The following DDX31 variants were observed in gnomAD, a reference collection of about 807,000 sequenced individuals.
DDX31 encodes the protein DEAD-box helicase 31, also known as ATP-dependent DNA helicase DDX31.
Under a neutral mutation model 91.3 loss-of-function variants are expected in DDX31, and 70 were observed. The observed-to-expected ratio is 0.77, with a 90% CI of 0.63 to 0.94. The LOEUF (loss-of-function observed/expected upper bound fraction) is 0.94. DDX31 is among the 40% of genes least tolerant of loss of function. The pLI is 0.00. For missense variants in DDX31, 902 were observed against 925.0 expected (o/e 0.98, Z 0.32); for synonymous variants, 362 against 350.6 (o/e 1.03, Z -0.36).
At chr9:132,618,258 T>G (rs1589996533) in intron 18 of DDX31, 72 bp downstream of exon 18, 1 of 1,302,382 alleles carries the variant, frequency 7.7e-7, no homozygotes, top group Non-Finnish European at 1.1e-6. Context: ...GGTTTGGGGG[T>G]ATGTGGGTGA....
At chr9:132,602,320 A>G (rs914421478) in intron 19 of DDX31, among the ~76,000 whole-genome samples, 1 of 152,236 alleles carries the variant, frequency 6.6e-6, no homozygotes, top group Non-Finnish European at 1.5e-5. Context: ...GGCTGGGCAG[A>G]CTCAGGGAAG....
intron 18 of DDX31, among the ~76,000 whole-genome samples, chr9:132,615,939 T>C (rs938808247): frequency 1.3e-5 from 2 of 152,250 alleles, no homozygotes; most frequent in Non-Finnish European, 2.9e-5. Context: ...GCCAGCTGCT[T>C]TGTTAATTAT....
chr9:132,603,394 G>A (rs1242083329), intron 19 of DDX31, among the ~76,000 whole-genome samples: 1 of 152,236 alleles, frequency 6.6e-6, no homozygotes, highest in African/African-American at 2.4e-5. Context: ...ATGAAGAAGA[G>A]TGTGGAGGGG....
chr9:132,611,938 T>A (rs1175634850), intron 19 of DDX31, 149 bp downstream of exon 19: 2 of 1,136,376 alleles, frequency 1.8e-6, no homozygotes, highest in African/African-American at 3.1e-5. Context: ...CAAGATGAGG[T>A]GGCTTTCTTC....
chr9:132,620,089 C>T (rs1423538327), intron 17 of DDX31, among the ~76,000 whole-genome samples: 2 of 151,956 alleles, frequency 1.3e-5, no homozygotes, highest in South Asian at 4.1e-4. Context: ...CGAATAAGCA[C>T]AAAAATCCCT....
At chr9:132,602,533 G>A (rs1021203060) in intron 19 of DDX31, among the ~76,000 whole-genome samples, 1 of 152,196 alleles carries the variant, frequency 6.6e-6, no homozygotes, top group African/African-American at 2.4e-5. Context: ...ACTCAGGAAT[G>A]TTGGCTTCAA....
chr9:132,667,717 A>AT (rs1835410957), intron 1 of DDX31, among the ~76,000 whole-genome samples: 1 of 152,120 alleles, frequency 6.6e-6, no homozygotes, highest in South Asian at 2.1e-4. Flanking sequence ...TAGGTAGCCT[A>AT]TATGTATTTA....
At position 132,658,679 on chromosome 9, in the gene DDX31, T is replaced by C. The variant is rs775630032; in HGVS notation, c.580A>G (p.Lys194Glu). 37 of 1,613,852 alleles carry C rather than the reference T, an allele frequency of 2.3e-5. No homozygotes were observed. Among genetic ancestry groups the C allele is most frequent in the Middle Eastern group, 1.6e-4 (1 of 6,084 alleles). The change falls in exon 6 of 20, where the codon AAA (lysine) becomes GAA (glutamate). Residue 194 changes from lysine to glutamate, a missense_variant. By Grantham distance (56) the Lys-to-Glu change is moderately conservative (BLOSUM62 1). Transcript: ENST00000372159. ...VVQSLQAMES[K>E]IQRSDGPYAL... ...ACACATTTGATACACACCTGTATTT[T>C]TGACTCCATTGCTTGAAGGGACTGG...
At chr9:132,669,795 A>G in intron 1 of DDX31, 65 bp downstream of exon 1, 2 of 1,521,498 alleles carry the variant, frequency 1.3e-6, no homozygotes, top group Non-Finnish European at 1.8e-6. Flanking sequence ...GCACGGCTGC[A>G]GCTCGCGGCG....
intron 6 of DDX31, among the ~76,000 whole-genome samples, chr9:132,657,140 G>A (rs922574356): frequency 2.6e-5 from 4 of 152,172 alleles, no homozygotes; most frequent in African/African-American, 9.7e-5. Flanking sequence ...ATTTGCTCAA[G>A]TTCACAAATA....
Position 132,662,309 on chromosome 9 carries a change from T to A in DDX31, c.360A>T (p.Lys120Asn), listed in dbSNP as rs1835018277. Reference sequence around the variant, plus strand: ...CATGAAAAGCAGCTGAAGTAAACACTTTTTCTTGCACCTGCTTTACCACAG... The same window carrying A: ...CATGAAAAGCAGCTGAAGTAAACACATTTTCTTGCACCTGCTTTACCACAG... ...HRPVVKQVQE[K>N]VFTSAAFHEL... Residue 120 changes from lysine (K) to asparagine (N), a missense_variant, in exon 3 of 20, where the codon AAA becomes AAT. Coordinates refer to ENST00000372159, the MANE Select transcript of DDX31 (RefSeq NM_022779.9). 1 of 1,614,144 alleles carries A rather than the reference T, an allele frequency of 6.2e-7. No individual in the cohort carries two copies. Among genetic ancestry groups the A allele is most frequent in the Non-Finnish European group, 8.5e-7 (1 of 1,180,032 alleles).
chr9:132,613,997 C>T (rs989731041), intron 18 of DDX31, among the ~76,000 whole-genome samples: 3 of 152,186 alleles, frequency 2.0e-5, no homozygotes, highest in African/African-American at 7.2e-5. Flanking sequence ...AGAGCCCAGC[C>T]GATGGTGTCT....
Position 132,652,463 on chromosome 9 carries a change from G to C in DDX31, c.618C>G (p.Leu206=). Residue 206 remains leucine (L), a synonymous_variant, in exon 7 of 20, where the codon CTC becomes CTG. Coordinates refer to ENST00000372159, the MANE Select transcript of DDX31 (RefSeq NM_022779.9). ...GCCTGCTTACCTCTCTCGTTGGCACGAGCACCAGGGCATAGGGGCCATCAC... is the reference window on the plus strand; with the variant it reads ...GCCTGCTTACCTCTCTCGTTGGCACCAGCACCAGGGCATAGGGGCCATCAC... The part of the protein sequence containing the change: ...QRSDGPYALV[L]VPTRELALQS... 6 of 1,614,108 alleles carry C rather than the reference G, an allele frequency of 3.7e-6. No homozygotes were observed. Among genetic ancestry groups the C allele is most frequent in the Non-Finnish European group, 5.1e-6 (6 of 1,180,006 alleles).
chr9:132,632,199 G>A lies in DDX31; in HGVS notation c.1441-108C>T, dbSNP rs1832774922. 4.5e-6 allele frequency: 3 copies of A among 673,046 alleles called. No homozygotes were observed. The South Asian group carries it at 5.5e-5, about 12-fold the overall frequency. 41.7% of individuals were successfully genotyped at this position (673,046 alleles called of 1,614,324 possible). ...AACTCTGAGAGTTCACCCGCCCACAGTACATGCACATTCGGGCATACACGT... is the reference window on the plus strand; with the variant it reads ...AACTCTGAGAGTTCACCCGCCCACAATACATGCACATTCGGGCATACACGT... On this transcript the variant is annotated intron_variant, in intron 14 of 19. Coordinates refer to ENST00000372159, the MANE Select transcript of DDX31 (RefSeq NM_022779.9).
intron 6 of DDX31, among the ~76,000 whole-genome samples, chr9:132,657,437 TTCTA>T (rs1834638028): frequency 8.4e-6 from 1 of 118,816 alleles, no homozygotes; most frequent in African/African-American, 4.8e-5. Flanking sequence ...AATGGTGACT[TTCTA>T]TTTCTATCAT....
At chr9:132,632,002 TCCTG>T in intron 15 of DDX31, 35 bp downstream of exon 15, 1 of 1,578,932 alleles carries the variant, frequency 6.3e-7, no homozygotes, top group Non-Finnish European at 8.7e-7. Context: ...GATCATATAT[TCCTG>T]CCTAAAGCTT....
chr9:132,651,254 C>G (rs1292490736), intron 7 of DDX31, 138 bp from the exon 8 acceptor site: 5 of 684,680 alleles, frequency 7.3e-6, no homozygotes, highest in African/African-American at 7.3e-5. Flanking sequence ...TACACAGAAT[C>G]TAATATACCT....
rs570085819 is a variant in DDX31 at position 132,630,458 on chromosome 9, T to A, written c.1492-55A>T. The stretch of plus-strand genomic sequence containing the variant: ...CATAGATCAAGGGACTGCCATTAAT[T>A]GGAAGTGCAATACTCCTCACCTGCC... On this transcript the variant is annotated intron_variant, in intron 15 of 19. Transcript: ENST00000372159. The A allele has an allele frequency of 2.0e-6, 3 of 1,529,432 alleles. No homozygotes were observed. The Admixed American group carries it at 5.3e-5, about 27-fold the overall frequency. 94.7% of individuals were successfully genotyped at this position (1,529,432 alleles called of 1,614,324 possible).
chr9:132,618,583 A>C, intron 17 of DDX31, 142 bp from the exon 18 acceptor site: 1 of 600,802 alleles, frequency 1.7e-6, no homozygotes. Context: ...TATTACTAGG[A>C]AAAAAGGGAG....
Sources: allele counts gnomAD v4.1 joint callset (sites outside exome capture counted in the v4.1 genomes callset), GRCh38; gene constraint gnomAD v4.1.1; transcripts MANE v1.5; gene names NCBI Gene and HGNC (gene_info 2026-07-23, HGNC 2026-07-21).